Variants in MYBPC1 observed in about 807,000 individuals in gnomAD.
MYBPC1 encodes myosin binding protein C1, also known as myosin-binding protein C, slow-type.
MYBPC1 carries 52 observed loss-of-function variants against 147.1 expected under a neutral mutation model. That is an observed-to-expected ratio of 0.35 (90% CI 0.28 to 0.45). MYBPC1 has a LOEUF of 0.45. Ranked by LOEUF, MYBPC1 falls within the 20% of genes least tolerant of loss-of-function variation. The pLI, the probability that MYBPC1 is intolerant of heterozygous loss-of-function variation, is 1.00. For missense variants in MYBPC1, 1,228 were observed against 1,440.3 expected (o/e 0.85, Z 2.39); for synonymous variants, 477 against 475.9 (o/e 1.00, Z -0.03).
In MYBPC1 at chr12:101,653,087, A is replaced by G. The variant is rs764100030; in HGVS notation, c.1634-28A>G. On this transcript the variant is annotated intron_variant, in intron 17 of 31. Transcript: ENST00000361466. ...ATATTTACACAGAAATGACTGTCTG[A>G]TAACAAAGACTATGCTTAATATTCT... 23 of 1,601,916 alleles carry G rather than the reference A, an allele frequency of 1.4e-5. No individual in the cohort carries two copies. The East Asian group carries it at 4.9e-4, about 34-fold the overall frequency.
At position 101,685,918 on chromosome 12, in the gene MYBPC1, A is replaced by G. The variant is rs1454917894; in HGVS notation, c.*356A>G. 4.3e-5 allele frequency: 13 copies of G among 303,334 alleles called. No homozygotes were observed. Among genetic ancestry groups the G allele is most frequent in the East Asian group, 4.2e-4 (6 of 14,134 alleles). The allele number at this position is 303,334 out of a possible 1,614,324, so 18.8% of individuals were successfully genotyped here. ...TTATTATCTCTGCTCACTGTATTAT[A>G]CTTTACAAAAATGCAAGTCATAGAA... On this transcript the variant is annotated 3_prime_UTR_variant, in exon 32 of 32. Coordinates refer to ENST00000361466, the MANE Select transcript of MYBPC1 (RefSeq NM_002465.4).
rs756338877 is a variant in MYBPC1 at position 101,644,677 on chromosome 12, T to C, written c.846T>C (p.Ile282=). Residue 282 remains isoleucine (I), a synonymous_variant, in exon 12 of 32, where the codon ATT becomes ATC. Transcript: ENST00000361466. ...CTATTCTATCAGCTTTTGCAAAAAT[T>C]CTTGATCCTGCATATCAGGTTGACA... The part of the protein sequence containing the change: ...EEKKSAAFAK[I]LDPAYQVDKG... The C allele has an allele frequency of 1.2e-5, 19 of 1,613,742 alleles. No homozygotes were observed. The highest frequency in any genetic ancestry group is 1.6e-5 in the Non-Finnish European group (19 of 1,179,788).
intron 10 of MYBPC1, among the ~76,000 whole-genome samples, chr12:101,639,029 A>G (rs1473007414): frequency 6.6e-6 from 1 of 152,202 alleles, no homozygotes. Context: ...ACAAGAAAAA[A>G]AAATATGATT....
intron 3 of MYBPC1, among the ~76,000 whole-genome samples, chr12:101,623,318 G>T (rs1465309120): frequency 6.6e-6 from 1 of 152,180 alleles, no homozygotes. Context: ...CAGCCTGGGC[G>T]ATAGAGGGAG....
chr12:101,599,334 A>G (rs1593566664), intron 1 of MYBPC1, among the ~76,000 whole-genome samples: 1 of 152,320 alleles, frequency 6.6e-6, no homozygotes, highest in East Asian at 1.9e-4. Flanking sequence ...GTTGGGGTCC[A>G]TAAGGGTTTT....
chr12:101,652,369 T>C (rs1255244593), intron 16 of MYBPC1, among the ~76,000 whole-genome samples: 1 of 152,176 alleles, frequency 6.6e-6, no homozygotes, highest in South Asian at 2.1e-4. Context: ...ATTATTGATA[T>C]GTTCTATTTT....
At chr12:101,607,988 C>A (rs1224937758) in intron 1 of MYBPC1, among the ~76,000 whole-genome samples, 2 of 152,200 alleles carry the variant, frequency 1.3e-5, no homozygotes, top group Non-Finnish European at 2.9e-5. Flanking sequence ...TCTGCAGCAG[C>A]ACAAAGGCCA....
intron 24 of MYBPC1, among the ~76,000 whole-genome samples, chr12:101,672,886 T>G (rs927655278): frequency 6.6e-6 from 1 of 152,126 alleles, no homozygotes; most frequent in South Asian, 2.1e-4. Flanking sequence ...CAAAAACTTA[T>G]GTATTGGGCA....
At chr12:101,689,944 G>A (rs1951392349), downstream of MYBPC1, among the ~76,000 whole-genome samples, 2 of 152,212 alleles carry the variant, frequency 1.3e-5, no homozygotes, top group Admixed American at 1.3e-4. Flanking sequence ...GGAGGCCGAG[G>A]CAGGTGGATC....
intron 17 of MYBPC1, 108 bp from the exon 18 acceptor site, chr12:101,653,007 T>C (rs1331746072): frequency 7.0e-7 from 1 of 1,431,984 alleles, no homozygotes; most frequent in Admixed American, 1.8e-5. Context: ...TTATATTCTT[T>C]TTGATTAGAT....
the MYBPC1 span, among the ~76,000 whole-genome samples, chr12:101,695,592 T>C: frequency 6.6e-6 from 1 of 152,194 alleles, no homozygotes; most frequent in Non-Finnish European, 1.5e-5. Context: ...CAGCCAGTGA[T>C]ATCTACTTTT....
rs573402307 is a variant in MYBPC1, at chr12:101,663,417, A to G, written c.2222-9A>G. 2 of 1,611,622 alleles carry G rather than the reference A, an allele frequency of 1.2e-6. No individual in the cohort carries two copies. Among genetic ancestry groups the G allele is most frequent in the East Asian group, 2.2e-5 (1 of 44,872 alleles). ...TAGTTTATTCTTTTCTGTCTCTTTT[A>G]TCTTTAAGCTGTAACAAGCCCTCCT... On this transcript the variant is annotated splice_polypyrimidine_tract_variant and intron_variant, in intron 21 of 31. Coordinates refer to ENST00000361466, the MANE Select transcript of MYBPC1 (RefSeq NM_002465.4).
chr12:101,656,187 A>C (rs2136355688), intron 18 of MYBPC1, among the ~76,000 whole-genome samples: 1 of 152,256 alleles, frequency 6.6e-6, no homozygotes, highest in South Asian at 2.1e-4. Context: ...AAAAAGAGGA[A>C]GTAAAATTAA....
intron 30 of MYBPC1, among the ~76,000 whole-genome samples, chr12:101,682,965 G>C (rs188723226): frequency 6.6e-6 from 1 of 152,118 alleles, no homozygotes; most frequent in Admixed American, 6.5e-5. Context: ...CAAAACTTGG[G>C]TATCAATATT....
At chr12:101,640,757 A>G (rs1891859356) in intron 10 of MYBPC1, among the ~76,000 whole-genome samples, 1 of 152,172 alleles carries the variant, frequency 6.6e-6, no homozygotes, top group African/African-American at 2.4e-5. Flanking sequence ...ATTAATATCT[A>G]TAATCTCCTC....
At chr12:101,646,559 A>G (rs962389823) in intron 12 of MYBPC1, among the ~76,000 whole-genome samples, 5 of 152,226 alleles carry the variant, frequency 3.3e-5, no homozygotes, top group African/African-American at 1.2e-4. Flanking sequence ...GGATCACTTG[A>G]GCCCAGGAGG....
chr12:101,629,329 A>T, intron 5 of MYBPC1, 105 bp from the exon 6 acceptor site: 2 of 784,314 alleles, frequency 2.6e-6, no homozygotes, highest in Non-Finnish European at 4.5e-6. Flanking sequence ...TAGGTTTATT[A>T]GACAAAGAAA....
At chr12:101,642,615 C>A (rs762573567) in intron 11 of MYBPC1, 30 bp downstream of exon 11, 3 of 1,594,356 alleles carry the variant, frequency 1.9e-6, no homozygotes, top group Admixed American at 1.8e-5. Context: ...AGGCAGCGGC[C>A]GAGGGGCGTG....
intron 3 of MYBPC1, among the ~76,000 whole-genome samples, chr12:101,622,395 A>G (rs76061586): frequency 0.014 from 2,173 of 152,288 alleles, 37 homozygotes; most frequent in Admixed American, 0.033. Flanking sequence ...TCTTAACTAC[A>G]TTTCCCAATC....
Sources: gnomAD v4.1 joint callset for allele counts (sites outside exome capture counted in the v4.1 genomes callset) on GRCh38, gnomAD v4.1.1 for gene constraint, MANE v1.5 for transcripts, NCBI Gene and HGNC (gene_info 2026-07-23, HGNC 2026-07-21) for gene names.